Variants in ANKRD36C observed in about 807,000 individuals in gnomAD.
ANKRD36C encodes the protein ankyrin repeat domain 36C, also known as ankyrin repeat domain-containing protein 36C.
ANKRD36C carries 61 observed loss-of-function variants against 276.4 expected under a neutral mutation model. The ratio of observed to expected loss-of-function variants is 0.22; its 90% confidence interval spans 0.18 to 0.27. ANKRD36C has a LOEUF of 0.27. Ranked by LOEUF, ANKRD36C falls within the 10% of genes least tolerant of loss-of-function variation. The probability of loss-of-function intolerance (pLI) is 1.00; values close to 1 mark genes in which losing one functional copy is unlikely to be tolerated. For synonymous variants in ANKRD36C, 483 were observed against 680.1 expected, an observed-to-expected ratio of 0.71 and a Z score of 4.51; for missense variants, 1,447 against 2,032.3, an observed-to-expected ratio of 0.71 and a Z score of 5.54.
intron 6 of ANKRD36C, among the ~76,000 whole-genome samples, chr2:95,963,964 T>TAA (rs1431178330): frequency 1.8e-5 from 1 of 55,740 alleles, no homozygotes; most frequent in South Asian, 6.0e-4. Context: ...TATAAATATA[T>TAA]ATATATAAAT....
At chr2:95,851,320 T>G in intron 66 of ANKRD36C, 125 bp from the exon 87 acceptor site, 1 of 761,744 alleles carries the variant, frequency 1.3e-6, no homozygotes, top group Non-Finnish European at 2.2e-6. Context: ...AAATCTGAAA[T>G]CCAAAATGCT....
At chr2:95,964,436 C>T (rs564241574) in intron 6 of ANKRD36C, among the ~76,000 whole-genome samples, 5 of 152,054 alleles carry the variant, frequency 3.3e-5, no homozygotes, top group Admixed American at 6.6e-5. Flanking sequence ...GTTCATAAAT[C>T]GAATAACCAT....
chr2:95,942,759 A>C (rs1418881990), intron 19 of ANKRD36C, among the ~76,000 whole-genome samples: 1 of 152,210 alleles, frequency 6.6e-6, no homozygotes, highest in African/African-American at 2.4e-5. Context: ...ACTCACATGA[A>C]GAGAGAAGAA....
chr2:95,851,355 C>T (rs1411842833), intron 66 of ANKRD36C, among the ~76,000 whole-genome samples, 160 bp from the exon 87 acceptor site: 2 of 152,174 alleles, frequency 1.3e-5, no homozygotes, highest in Non-Finnish European at 2.9e-5. Flanking sequence ...TTTTTGAGCA[C>T]GGACATGACA....
intron 34 of ANKRD36C, among the ~76,000 whole-genome samples, chr2:95,918,810 A>G (rs1031548043): frequency 2.6e-5 from 4 of 151,226 alleles, no homozygotes; most frequent in African/African-American, 7.3e-5. Flanking sequence ...GCAGTTTTTC[A>G]TTCAGAAATC....
exon 36 of ANKRD36C, chr2:95,917,874 G>T (rs574617920): frequency 1.2e-6 from 2 of 1,604,382 alleles, no homozygotes; most frequent in Non-Finnish European, 1.7e-6. Context: ...ATTTTTCTCC[G>T]TCCTTTATTT....
intron 1 of ANKRD36C, among the ~76,000 whole-genome samples, chr2:95,988,132 T>C (rs1464706384): frequency 7.0e-6 from 1 of 142,874 alleles, no homozygotes; most frequent in Non-Finnish European, 1.5e-5. Context: ...CTAAATAAAG[T>C]ACTGTGGAAA....
At chr2:95,945,866 T>C (rs1678033056) in intron 17 of ANKRD36C, among the ~76,000 whole-genome samples, 1 of 152,182 alleles carries the variant, frequency 6.6e-6, no homozygotes, top group Non-Finnish European at 1.5e-5. Flanking sequence ...AAGGAAAATA[T>C]TAGACTGAGG....
intron 44 of ANKRD36C, among the ~76,000 whole-genome samples, chr2:95,896,649 T>C (rs1415810187): frequency 1.4e-5 from 2 of 142,168 alleles, no homozygotes; most frequent in Non-Finnish European, 3.1e-5. Context: ...ATTCCAATTA[T>C]ACCATTGTTT....
exon 47 of ANKRD36C, chr2:95,889,979 T>G (rs760937131): frequency 1.2e-6 from 2 of 1,609,828 alleles, no homozygotes; most frequent in Non-Finnish European, 1.7e-6. Context: ...CAAGGCTGGT[T>G]GTTTATGAGA....
chr2:95,969,402 A>G (rs377036707), intron 6 of ANKRD36C, among the ~76,000 whole-genome samples: 2 of 152,210 alleles, frequency 1.3e-5, no homozygotes, highest in East Asian at 1.9e-4. Context: ...CCCATGGTCA[A>G]CCATGGTCCA....
downstream of ANKRD36C, among the ~76,000 whole-genome samples, chr2:95,849,568 A>G (rs1675242667): frequency 6.6e-6 from 1 of 152,190 alleles, no homozygotes; most frequent in Admixed American, 6.5e-5. Context: ...TGTGCACTTT[A>G]TTCCTATTAT....
chr2:95,855,835 A>G (rs532246052), exon 63 of ANKRD36C: 82 of 1,613,904 alleles, frequency 5.1e-5, no homozygotes, highest in African/African-American at 5.1e-4. Context: ...TCATGATCAC[A>G]TAGAGCAGCA....
At position 95,893,515 on chromosome 2, in the gene ANKRD36C, A is replaced by G. The variant is rs1307180402; in HGVS notation, c.2756-1655T>C. 6.5e-7 allele frequency: 1 copy of G among 1,539,856 alleles called. No homozygotes were observed. Among genetic ancestry groups the G allele is most frequent in the Admixed American group, 2.0e-5 (1 of 50,850 alleles). ...CTATCTGGACTGAACATGACATTAAATCTGTTTTCAAAATTACCTGTTCTA... is the reference window on the plus strand; with the variant it reads ...CTATCTGGACTGAACATGACATTAAGTCTGTTTTCAAAATTACCTGTTCTA... On this transcript the variant is annotated intron_variant, in intron 44 of 66. Transcript: ENST00000456556.
rs1178105172 is a variant in ANKRD36C at position 95,897,830 on chromosome 2, C to G, written c.2755+1315G>C. On this transcript the variant is annotated intron_variant, in intron 44 of 66. Transcript: ENST00000456556. ...TCAAAGCAGGTGCTACATGATCCCA[C>G]TTACCTTTCATGCAACAAATTAAAA... Among the ~76,000 whole-genome samples, 5 of 142,646 alleles carry G rather than the reference C, an allele frequency of 3.5e-5. 1 individual carries two copies. Among genetic ancestry groups the G allele is most frequent in the African/African-American group, 1.3e-4 (5 of 38,882 alleles). 93.6% of individuals were successfully genotyped at this position (142,646 alleles called of 152,430 possible). A position where few individuals can be genotyped will look rare whatever the true frequency, so the allele number is the denominator to read the frequency against.
chr2:95,889,918 A>G (rs748489364), intron 47 of ANKRD36C, 47 bp from the exon 68 acceptor site: 5 of 1,609,106 alleles, frequency 3.1e-6, no homozygotes, highest in South Asian at 1.1e-5. Flanking sequence ...AGTATGTTTC[A>G]TAGACTATAC....
At chr2:95,968,104 A>C (rs1479574992) in intron 6 of ANKRD36C, among the ~76,000 whole-genome samples, 1 of 152,172 alleles carries the variant, frequency 6.6e-6, no homozygotes, top group Non-Finnish European at 1.5e-5. Context: ...AAGAAAAAAA[A>C]ATCATGAACT....
At chr2:95,949,031 C>G (rs113837144) in intron 16 of ANKRD36C, among the ~76,000 whole-genome samples, 34 of 150,618 alleles carry the variant, frequency 2.3e-4, no homozygotes, top group Admixed American at 4.0e-4. Flanking sequence ...GGTCTCTTCT[C>G]CATTATCTAT....
At chr2:95,981,004 A>G (rs1483097117) in intron 4 of ANKRD36C, among the ~76,000 whole-genome samples, 2 of 152,112 alleles carry the variant, frequency 1.3e-5, no homozygotes, top group Admixed American at 6.6e-5. Flanking sequence ...CTGTGGTATG[A>G]CATAAAGTTG....
Sources: allele counts gnomAD v4.1 joint callset (sites outside exome capture counted in the v4.1 genomes callset), GRCh38; gene constraint gnomAD v4.1.1; transcripts MANE v1.5; gene names NCBI Gene and HGNC (gene_info 2026-07-23, HGNC 2026-07-21).